The following SUCLG2 variants were observed in gnomAD, a reference collection of about 807,000 sequenced individuals.
The protein encoded by SUCLG2 is succinate-CoA ligase GDP-forming subunit beta, also known as succinate--CoA ligase [GDP-forming] subunit beta, mitochondrial.
Under a neutral mutation model 47.9 loss-of-function variants are expected in SUCLG2, and 42 were observed. That is an observed-to-expected ratio of 0.88 (90% CI 0.69 to 1.14). SUCLG2 has a LOEUF of 1.14. SUCLG2 is among the 50% of genes most tolerant of loss of function. The pLI is 0.00. For synonymous variants in SUCLG2, 195 were observed against 197.3 expected (o/e 0.99, Z 0.10); for missense variants, 571 against 525.9 (o/e 1.09, Z -0.84).
intron 5 of SUCLG2, 26 bp downstream of exon 5, chr3:67,520,456 G>C: frequency 6.2e-7 from 1 of 1,613,748 alleles, no homozygotes; most frequent in Non-Finnish European, 8.5e-7. Flanking sequence ...TCAATTAATA[G>C]CAGGTAGCCC....
chr3:67,452,976 C>T (rs912207243), intron 9 of SUCLG2, among the ~76,000 whole-genome samples: 1 of 152,124 alleles, frequency 6.6e-6, no homozygotes, highest in African/African-American at 2.4e-5. Flanking sequence ...TCAATGTAAT[C>T]ATAGATGAAG....
chr3:67,475,470 C>T (rs1291156256), intron 9 of SUCLG2, among the ~76,000 whole-genome samples: 1 of 152,166 alleles, frequency 6.6e-6, no homozygotes, highest in Non-Finnish European at 1.5e-5. Flanking sequence ...AGGGGACAGC[C>T]TCTAAGGGAC....
At chr3:67,650,989 C>T (rs1254161282) in intron 1 of SUCLG2, among the ~76,000 whole-genome samples, 1 of 148,904 alleles carries the variant, frequency 6.7e-6, no homozygotes, top group Non-Finnish European at 1.5e-5. Flanking sequence ...TATATTACAC[C>T]ACCAAGTACT....
chr3:67,645,782 TGA>T (rs992654475), intron 1 of SUCLG2, among the ~76,000 whole-genome samples: 1 of 151,790 alleles, frequency 6.6e-6, no homozygotes, highest in African/African-American at 2.4e-5. Flanking sequence ...AGAATGCCTA[TGA>T]GAACTGGTTT....
chr3:67,597,545 A>T (rs72929314), intron 2 of SUCLG2, among the ~76,000 whole-genome samples: 8,355 of 152,072 alleles, frequency 0.055, 714 homozygotes, highest in African/African-American at 0.19. Flanking sequence ...CTATTTCTGT[A>T]CCCCACTCCC....
chr3:67,494,853 G>C (rs1705289846), intron 9 of SUCLG2, among the ~76,000 whole-genome samples: 1 of 152,114 alleles, frequency 6.6e-6, no homozygotes, highest in African/African-American at 2.4e-5. Flanking sequence ...TACTAAACTA[G>C]CTGATTAAAT....
At chr3:67,463,414 T>C (rs1486776845) in intron 9 of SUCLG2, among the ~76,000 whole-genome samples, 1 of 152,226 alleles carries the variant, frequency 6.6e-6, no homozygotes, top group African/African-American at 2.4e-5. Flanking sequence ...GAAGTGTTAA[T>C]AATATCTGTA....
chr3:67,502,430 C>T (rs1478161940), intron 7 of SUCLG2, among the ~76,000 whole-genome samples: 1 of 152,200 alleles, frequency 6.6e-6, no homozygotes, highest in Non-Finnish European at 1.5e-5. Flanking sequence ...CAACTCCTGG[C>T]ACTTCCTAGC....
intron 4 of SUCLG2, among the ~76,000 whole-genome samples, chr3:67,523,114 T>A (rs1041496742): frequency 1.3e-5 from 2 of 152,150 alleles, no homozygotes; most frequent in Non-Finnish European, 2.9e-5. Context: ...AGTAGTTTAG[T>A]GATGGGTTCC....
At chr3:67,476,282 C>A (rs1704753368) in intron 9 of SUCLG2, among the ~76,000 whole-genome samples, 1 of 151,928 alleles carries the variant, frequency 6.6e-6, no homozygotes, top group Admixed American at 6.6e-5. Flanking sequence ...CAGCTGCTCC[C>A]CATGGCTCGC....
chr3:67,448,373 A>G (rs2106930282), intron 9 of SUCLG2, among the ~76,000 whole-genome samples: 1 of 152,318 alleles, frequency 6.6e-6, no homozygotes, highest in South Asian at 2.1e-4. Flanking sequence ...GAGACATGTA[A>G]ACATATCAGA....
At chr3:67,441,954 C>G (rs541885960) in intron 9 of SUCLG2, among the ~76,000 whole-genome samples, 10 of 152,118 alleles carry the variant, frequency 6.6e-5, no homozygotes, top group Admixed American at 5.9e-4. Flanking sequence ...AAATACCTGT[C>G]AAGCAAAAGC....
chr3:67,399,619 AT>A (rs150658664), intron 10 of SUCLG2, among the ~76,000 whole-genome samples: 2 of 151,964 alleles, frequency 1.3e-5, no homozygotes, highest in South Asian at 2.1e-4. Flanking sequence ...AACAAATGTG[AT>A]TTTTTTTATA....
At chr3:67,582,731 C>T (rs563287106) in intron 2 of SUCLG2, among the ~76,000 whole-genome samples, 1 of 152,106 alleles carries the variant, frequency 6.6e-6, no homozygotes, top group East Asian at 1.9e-4. Context: ...ACATTCCCAC[C>T]AGCAGTGTAT....
At chr3:67,590,883 ACTGT>A (rs1459734873) in intron 2 of SUCLG2, among the ~76,000 whole-genome samples, 3 of 150,050 alleles carry the variant, frequency 2.0e-5, no homozygotes, top group African/African-American at 7.3e-5. Context: ...AAGATGTCCA[ACTGT>A]CTAAGACTTT....
At chr3:67,395,349 C>T (rs1702499163) in intron 10 of SUCLG2, among the ~76,000 whole-genome samples, 1 of 152,134 alleles carries the variant, frequency 6.6e-6, no homozygotes, top group South Asian at 2.1e-4. Flanking sequence ...AAATGGAAAA[C>T]AGAAAAAGGC....
At chr3:67,410,383 G>A (rs1025343460) in intron 9 of SUCLG2, among the ~76,000 whole-genome samples, 1 of 152,068 alleles carries the variant, frequency 6.6e-6, no homozygotes, top group African/African-American at 2.4e-5. Context: ...ATTTTCAGGA[G>A]AAGAAAAATC....
chr3:67,365,879 C>T (rs766352472), intron 10 of SUCLG2, among the ~76,000 whole-genome samples: 9 of 152,030 alleles, frequency 5.9e-5, no homozygotes, highest in Non-Finnish European at 7.4e-5. Flanking sequence ...AGGCAGTTTG[C>T]GTATTTAAAG....
chr3:67,414,595 G>A (rs1457346157), intron 9 of SUCLG2, among the ~76,000 whole-genome samples: 4 of 152,190 alleles, frequency 2.6e-5, no homozygotes, highest in Non-Finnish European at 5.9e-5. Flanking sequence ...GTTGCCATGC[G>A]AATGTAGGCC....
Sources: allele counts gnomAD v4.1 joint callset (sites outside exome capture counted in the v4.1 genomes callset), GRCh38; gene constraint gnomAD v4.1.1; transcripts MANE v1.5; gene names NCBI Gene and HGNC (gene_info 2026-07-23, HGNC 2026-07-21).